The following RASL12 variants were observed in gnomAD, a reference collection of about 807,000 sequenced individuals.
RASL12 encodes the protein RAS like family 12, also known as ras-like protein family member 12.
RASL12 carries 16 observed loss-of-function variants against 22.9 expected under a neutral mutation model. The observed-to-expected ratio is 0.70, with a 90% CI of 0.47 to 1.06. The LOEUF (loss-of-function observed/expected upper bound fraction) is 1.06. Among genes scored for constraint, RASL12 ranks in the 50% least tolerant of loss-of-function variants. The probability of loss-of-function intolerance (pLI) is 0.00; values close to 1 mark genes in which losing one functional copy is unlikely to be tolerated. For synonymous variants in RASL12, 159 were observed against 152.2 expected, an observed-to-expected ratio of 1.04 and a Z score of -0.33; for missense variants, 306 against 353.1, an observed-to-expected ratio of 0.87 and a Z score of 1.07.
At chr15:65,068,185 A>G, upstream of RASL12, 2 of 998,272 alleles carry the variant, frequency 2.0e-6, no homozygotes, top group Non-Finnish European at 2.4e-6. This position sits in a 1 kb window ranked among gnomAD's most constrained non-coding sequence, Gnocchi z 4.2. Context: ...CACCCTCCCG[A>G]GCGCCCCCAA....
chr15:65,072,349 C>T (rs1442170728), upstream of RASL12, among the ~76,000 whole-genome samples: 1 of 152,220 alleles, frequency 6.6e-6, no homozygotes, highest in African/African-American at 2.4e-5. Flanking sequence ...ATGGAGTGAA[C>T]TGGATGGGAG....
upstream of RASL12, among the ~76,000 whole-genome samples, chr15:65,070,753 T>C (rs565089011): frequency 4.6e-5 from 7 of 152,332 alleles, no homozygotes; most frequent in African/African-American, 1.7e-4. Flanking sequence ...TTGGTACCCT[T>C]TCGCGATGTG....
intron 1 of RASL12, among the ~76,000 whole-genome samples, chr15:65,076,352 G>A (rs1007779798): frequency 1.3e-5 from 2 of 152,044 alleles, no homozygotes; most frequent in African/African-American, 4.8e-5. Flanking sequence ...CCACTGGGAG[G>A]AACGAACAAC....
Position 65,067,823 on chromosome 15 carries a change from A to C in RASL12, c.13T>G (p.Phe5Val). The C allele has an allele frequency of 6.4e-7, 1 of 1,561,846 alleles. No individual in the cohort carries two copies. The highest frequency in any genetic ancestry group is 8.6e-7 in the Non-Finnish European group (1 of 1,158,066). The part of the protein sequence containing the change: MSSV[F>V]GKPRAGSGPQ... ...CCGCTGCCCGCGCGGGGTTTTCCAAACACCGAGGACATGGCGACGCCCTGG... is the reference window on the plus strand; with the variant it reads ...CCGCTGCCCGCGCGGGGTTTTCCAACCACCGAGGACATGGCGACGCCCTGG... The change falls in exon 1 of 5, where the codon TTT (phenylalanine) becomes GTT (valine). Residue 5 changes from phenylalanine to valine, a missense_variant. Phe to Val is a conservative substitution (Grantham distance 50). Transcript: ENST00000220062.
chr15:65,047,510 C>T, the RASL12 span, among the ~76,000 whole-genome samples: 3 of 152,146 alleles, frequency 2.0e-5, no homozygotes, highest in Non-Finnish European at 4.4e-5. Flanking sequence ...CATCCCACAC[C>T]CTAGAAGAAG....
At chr15:65,068,605 G>C (rs1168989975), upstream of RASL12, among the ~76,000 whole-genome samples, 1 of 152,178 alleles carries the variant, frequency 6.6e-6, no homozygotes, top group Non-Finnish European at 1.5e-5. This position sits in a 1 kb window ranked among gnomAD's most constrained non-coding sequence, Gnocchi z 4.2. Flanking sequence ...TCCCTAATGG[G>C]AGCTAATGAG....
At position 65,054,544 on chromosome 15, in the gene RASL12, A is replaced by G; in HGVS notation, c.*355T>C. On this transcript the variant is annotated 3_prime_UTR_variant, in exon 5 of 5. Coordinates refer to ENST00000220062, the MANE Select transcript of RASL12 (RefSeq NM_016563.4). ...AGCCATCCACCCAGACCATCCACTA[A>G]GGCCACAGCTGGCCCAACTGTAGCT... 9.4e-7 allele frequency: 1 copy of G among 1,064,646 alleles called. No homozygotes were observed. Among genetic ancestry groups the G allele is most frequent in the Non-Finnish European group, 1.1e-6 (1 of 879,236 alleles). The allele number at this position is 1,064,646 out of a possible 1,614,324, so 65.9% of individuals were successfully genotyped here.
downstream of RASL12, among the ~76,000 whole-genome samples, chr15:65,048,777 G>C (rs574200586): frequency 7.1e-4 from 108 of 152,300 alleles, no homozygotes; most frequent in African/African-American, 2.5e-3. Flanking sequence ...GGGAGGCCAA[G>C]GCGGGTGGAT....
Position 65,054,628 on chromosome 15 carries a change from T to C in RASL12, c.*271A>G. On this transcript the variant is annotated 3_prime_UTR_variant, in exon 5 of 5. Transcript: ENST00000220062. Reference sequence around the variant, plus strand: ...ACTGCAATTTCTTCCTACTTAAGGCTGACCCCAGGTCTCTGGGTTGTCACA... The same window carrying C: ...ACTGCAATTTCTTCCTACTTAAGGCCGACCCCAGGTCTCTGGGTTGTCACA... 7.5e-7 allele frequency: 1 copy of C among 1,325,164 alleles called. No individual in the cohort carries two copies. The highest frequency in any genetic ancestry group is 9.7e-7 in the Non-Finnish European group (1 of 1,035,212). The allele number at this position is 1,325,164 out of a possible 1,614,324, so 82.1% of individuals were successfully genotyped here. A position where few individuals can be genotyped will look rare whatever the true frequency, so the allele number is the denominator to read the frequency against.
At chr15:65,052,863 T>C, downstream of RASL12, 1 of 1,034,678 alleles carries the variant, frequency 9.7e-7, no homozygotes, top group Non-Finnish European at 1.4e-6. Context: ...GCTCCCAAAC[T>C]GCATAGAGAA....
At chr15:65,047,591 T>C in the RASL12 span, among the ~76,000 whole-genome samples, 1 of 152,176 alleles carries the variant, frequency 6.6e-6, no homozygotes, top group Admixed American at 6.5e-5. Flanking sequence ...CACAGGGGCC[T>C]GTGGCTGATG....
Position 65,053,348 on chromosome 15 carries a change from A to C in RASL12, c.*1551T>G, listed in dbSNP as rs2086681915. 1 of 1,415,870 alleles carries C rather than the reference A, an allele frequency of 7.1e-7. No individual in the cohort carries two copies. The highest frequency in any genetic ancestry group is 1.4e-5 in the African/African-American group (1 of 69,162). 87.7% of individuals were successfully genotyped at this position (1,415,870 alleles called of 1,614,324 possible). On this transcript the variant is annotated 3_prime_UTR_variant, in exon 5 of 5. Coordinates refer to ENST00000220062, the MANE Select transcript of RASL12 (RefSeq NM_016563.4). ...CAAGCAAACTAAAATTCTGTTATTA[A>C]AAAAAATCTTTTATTAAAATGCTCC...
downstream of RASL12, chr15:65,053,069 T>C (rs778493381): frequency 6.2e-7 from 1 of 1,614,128 alleles, no homozygotes; most frequent in Non-Finnish European, 8.5e-7. Context: ...AACTTTGCTC[T>C]CAGAAAAGCC....
At chr15:65,047,779 C>T in the RASL12 span, among the ~76,000 whole-genome samples, 1 of 141,942 alleles carries the variant, frequency 7.0e-6, no homozygotes, top group African/African-American at 2.7e-5. Flanking sequence ...GATAGATAGA[C>T]AGATAGATCG....
chr15:65,074,929 G>T (rs369490922), intron 1 of RASL12, among the ~76,000 whole-genome samples: 1 of 152,368 alleles, frequency 6.6e-6, no homozygotes, highest in African/African-American at 2.4e-5. Flanking sequence ...GGCGGCACTT[G>T]TGGAGCCCTT....
chr15:65,056,299 G>A (rs1218222769), intron 4 of RASL12, among the ~76,000 whole-genome samples: 1 of 152,136 alleles, frequency 6.6e-6, no homozygotes, highest in Non-Finnish European at 1.5e-5. Flanking sequence ...AGGCTGACCT[G>A]GCAGGAGCAG....
chr15:65,065,197 T>C lies in RASL12; in HGVS notation c.160+20A>G, dbSNP rs746086657. ...CAGATGGGGCACAGGCAGCAGAAGG[T>C]ACGGGGAGTAGTTTCTTACCCAAGT... On this transcript the variant is annotated intron_variant, in intron 2 of 4. Coordinates refer to ENST00000220062, the MANE Select transcript of RASL12 (RefSeq NM_016563.4). 1.2e-6 allele frequency: 2 copies of C among 1,610,022 alleles called. No homozygotes were observed. The highest frequency in any genetic ancestry group is 1.7e-6 in the Non-Finnish European group (2 of 1,178,172).
chr15:65,045,939 G>A, the RASL12 span, among the ~76,000 whole-genome samples: 1 of 151,816 alleles, frequency 6.6e-6, no homozygotes, highest in Non-Finnish European at 1.5e-5. Context: ...GCCGAGGCAG[G>A]CCGATCACCT....
At chr15:65,076,183 C>T (rs528949467) in intron 1 of RASL12, among the ~76,000 whole-genome samples, 75 of 152,340 alleles carry the variant, frequency 4.9e-4, no homozygotes, top group African/African-American at 1.6e-3. Context: ...AGTGGCAACC[C>T]GCTCATATCC....
Sources: gnomAD v4.1 joint callset for allele counts (sites outside exome capture counted in the v4.1 genomes callset) on GRCh38, gnomAD v4.1.1 for gene constraint, Gnocchi (gnomAD v3.1) non-coding constraint, MANE v1.5 for transcripts, NCBI Gene and HGNC (gene_info 2026-07-23, HGNC 2026-07-21) for gene names.